The following CSMD1 variants were observed in gnomAD, a reference collection of about 807,000 sequenced individuals.
The protein encoded by CSMD1 is CUB and sushi domain-containing protein 1.
In CSMD1, 213 loss-of-function variants were observed where a neutral mutation model predicts 417.5. The ratio of observed to expected loss-of-function variants is 0.51; its 90% CI spans 0.46 to 0.57. The LOEUF is 0.57. Ranked by LOEUF, CSMD1 falls within the 20% of genes least tolerant of loss-of-function variation. CSMD1 has a pLI of 0.00. For missense variants in CSMD1, 6,923 were observed against 4,529.7 expected (o/e 1.53, Z -15.17); for synonymous variants, 2,862 against 1,736.8 (o/e 1.65, Z -16.11).
intron 1 of CSMD1, among the ~76,000 whole-genome samples, chr8:4,943,253 T>G (rs13269676): frequency 6.6e-6 from 1 of 151,942 alleles, no homozygotes; most frequent in Admixed American, 6.5e-5. Flanking sequence ...CCCAGCACTT[T>G]GGGCGGCCCA....
intron 40 of CSMD1, among the ~76,000 whole-genome samples, chr8:3,147,168 T>A (rs773825469): frequency 3.9e-5 from 6 of 152,222 alleles, no homozygotes; most frequent in Non-Finnish European, 7.3e-5. Flanking sequence ...AGATACAATC[T>A]GAAGCCTAGA....
At chr8:3,107,312 T>C (rs1426286855) in intron 45 of CSMD1, among the ~76,000 whole-genome samples, 1 of 152,218 alleles carries the variant, frequency 6.6e-6, no homozygotes, top group African/African-American at 2.4e-5. Context: ...AATGTCACTG[T>C]TATGTAATCA....
chr8:3,838,886 T>C lies in CSMD1; in HGVS notation c.819-84844A>G, dbSNP rs1345058123. The stretch of plus-strand genomic sequence containing the variant: ...TATTAATTATATATAATATTAATTA[T>C]AATATATAATAATATATACTCTAGA... On this transcript the variant is annotated intron_variant, in intron 5 of 69. Transcript: ENST00000635120. Among the ~76,000 whole-genome samples the C allele has an allele frequency of 2.0e-3, 194 of 97,686 alleles. 2 individuals carry two copies. The highest frequency in any genetic ancestry group is 9.0e-3 in the African/African-American group (185 of 20,472). The allele number at this position is 97,686 out of a possible 152,430, so 64.1% of individuals were successfully genotyped here.
chr8:4,058,915 T>A (rs540284907), intron 3 of CSMD1, among the ~76,000 whole-genome samples: 3 of 152,002 alleles, frequency 2.0e-5, no homozygotes, highest in Non-Finnish European at 2.9e-5. Flanking sequence ...TACCCAGGAA[T>A]TGAACTCAGC....
At chr8:4,465,200 G>C (rs1328515811) in intron 2 of CSMD1, among the ~76,000 whole-genome samples, 1 of 152,116 alleles carries the variant, frequency 6.6e-6, no homozygotes, top group Admixed American at 6.6e-5. Context: ...AAACCAGGAG[G>C]ATGCCACATA....
chr8:4,952,735 A>T (rs1236368926), intron 1 of CSMD1, among the ~76,000 whole-genome samples: 1 of 152,066 alleles, frequency 6.6e-6, no homozygotes, highest in Non-Finnish European at 1.5e-5. Context: ...ATATTGAGAG[A>T]TTCCTTTATT....
chr8:3,416,101 A>G (rs186334667), intron 12 of CSMD1, among the ~76,000 whole-genome samples: 2,757 of 152,104 alleles, frequency 0.018, 32 homozygotes, highest in Non-Finnish European at 0.025. Context: ...GGAGATCGAG[A>G]CCATCCTGGA....
rs552161864 is a variant in CSMD1 at position 3,940,257 on chromosome 8, ACT to A, written c.818+57644_818+57645del. 4.6e-3 allele frequency among the ~76,000 whole-genome samples: 704 copies of A among 152,174 alleles called. 2 individuals carry two copies. Among genetic ancestry groups the A allele is most frequent in the Non-Finnish European group, 7.3e-3 (495 of 67,990 alleles). Reference sequence around the variant, plus strand: ...TAATTTTGCCTACAGAAGAAATCAGACTCTGAAATATCTATTAATGATAGACA... The same window carrying A: ...TAATTTTGCCTACAGAAGAAATCAGACTGAAATATCTATTAATGATAGACA... On this transcript the variant is annotated intron_variant, in intron 5 of 69. Coordinates refer to ENST00000635120, the MANE Select transcript of CSMD1 (RefSeq NM_033225.6).
At chr8:3,927,532 G>A (rs1011237553) in intron 5 of CSMD1, among the ~76,000 whole-genome samples, 1 of 149,898 alleles carries the variant, frequency 6.7e-6, no homozygotes, top group Non-Finnish European at 1.5e-5. Context: ...AGCCGTGGTG[G>A]TGCATCACTG....
At chr8:4,487,279 G>C (rs752434625) in intron 2 of CSMD1, among the ~76,000 whole-genome samples, 2 of 151,912 alleles carry the variant, frequency 1.3e-5, no homozygotes, top group African/African-American at 2.4e-5. Flanking sequence ...CCATTAACTC[G>C]TCATTTAGCA....
At chr8:3,182,990 C>G (rs1027085784) in intron 36 of CSMD1, 12 of 144,084 alleles carry the variant, frequency 8.3e-5, no homozygotes, top group African/African-American at 3.1e-4. Flanking sequence ...GATCAACTGA[C>G]CTCGTGATCC....
At chr8:4,181,331 A>G (rs1482352567) in intron 3 of CSMD1, among the ~76,000 whole-genome samples, 3 of 152,064 alleles carry the variant, frequency 2.0e-5, no homozygotes, top group Non-Finnish European at 2.9e-5. Flanking sequence ...CCATGCTAAA[A>G]GAAATGCAAT....
intron 10 of CSMD1, among the ~76,000 whole-genome samples, chr8:3,568,593 A>G (rs914159509): frequency 1.8e-4 from 27 of 152,172 alleles, no homozygotes; most frequent in African/African-American, 6.3e-4. Flanking sequence ...ATGTGTGTGT[A>G]TATCAATGTA....
rs770901446 is a variant in CSMD1 at position 3,262,230 on chromosome 8, T to TATATATACAC, written c.4153+21913_4153+21914insGTGTATATAT. Among the ~76,000 whole-genome samples, 450 of 95,410 alleles carry TATATATACAC rather than the reference T, an allele frequency of 4.7e-3. 6 individuals are homozygous for TATATATACAC. Among genetic ancestry groups the TATATATACAC allele is most frequent in the Non-Finnish European group, 6.6e-3 (324 of 48,962 alleles). 62.6% of individuals were successfully genotyped at this position (95,410 alleles called of 152,430 possible). A position where few individuals can be genotyped will look rare whatever the true frequency, so the allele number is the denominator to read the frequency against. On this transcript the variant is annotated intron_variant, in intron 26 of 69. Coordinates refer to ENST00000635120, the MANE Select transcript of CSMD1 (RefSeq NM_033225.6). ...ATATATATATATATATATATATATA[T>TATATATACAC]ACACACACATAGTTAATTTCAAAAT...
chr8:4,306,451 T>C (rs73660740), intron 3 of CSMD1, among the ~76,000 whole-genome samples: 114,725 of 151,918 alleles, frequency 0.76, 43,441 homozygotes, highest in East Asian at 0.85. Context: ...AAAAAATATT[T>C]TATCACCTCC....
At chr8:4,877,425 A>G (rs1264725991) in intron 1 of CSMD1, among the ~76,000 whole-genome samples, 2 of 152,092 alleles carry the variant, frequency 1.3e-5, no homozygotes, top group African/African-American at 2.4e-5. Context: ...AATATCAATT[A>G]TGTATTTCTG....
At chr8:4,324,838 G>C (rs563432961) in intron 3 of CSMD1, among the ~76,000 whole-genome samples, 70 of 152,320 alleles carry the variant, frequency 4.6e-4, no homozygotes, top group African/African-American at 1.6e-3. Flanking sequence ...GCAAGACAAA[G>C]AAGAGGAGGG....
At chr8:3,098,389 T>C (rs901685081) in intron 46 of CSMD1, among the ~76,000 whole-genome samples, 4 of 152,212 alleles carry the variant, frequency 2.6e-5, no homozygotes, top group African/African-American at 9.6e-5. Flanking sequence ...GAAAAGTAAT[T>C]TATTTCCTAT....
At chr8:4,455,228 TA>T (rs1799396048) in intron 2 of CSMD1, among the ~76,000 whole-genome samples, 1 of 152,186 alleles carries the variant, frequency 6.6e-6, no homozygotes. Flanking sequence ...AATACTTCTC[TA>T]AAATATTTGT....
Sources: gnomAD v4.1 joint callset for allele counts (sites outside exome capture counted in the v4.1 genomes callset) on GRCh38, gnomAD v4.1.1 for gene constraint, MANE v1.5 for transcripts, NCBI Gene and HGNC (gene_info 2026-07-23, HGNC 2026-07-21) for gene names.